Variants in AMPH observed in about 807,000 individuals in gnomAD.
The protein encoded by AMPH is amphiphysin.
In AMPH, 49 loss-of-function variants were observed where a neutral mutation model predicts 99.1. The observed-to-expected ratio is 0.49, with a 90% CI of 0.39 to 0.63. The LOEUF is 0.63. Among genes scored for constraint, AMPH ranks in the 20% least tolerant of loss-of-function variants. The pLI is 0.00. For synonymous variants in AMPH, 314 were observed against 317.3 expected (o/e 0.99, Z 0.11); for missense variants, 759 against 863.4 (o/e 0.88, Z 1.52).
chr7:38,560,180 C>T (rs1157488057), intron 1 of AMPH, among the ~76,000 whole-genome samples: 1 of 152,168 alleles, frequency 6.6e-6, no homozygotes, highest in Non-Finnish European at 1.5e-5. Context: ...ATTTAACAAA[C>T]TATAGGCAAG....
intron 11 of AMPH, among the ~76,000 whole-genome samples, chr7:38,455,748 A>T (rs1368737233): frequency 6.6e-6 from 1 of 152,192 alleles, no homozygotes; most frequent in Non-Finnish European, 1.5e-5. Context: ...ATTGTTCCAG[A>T]GAGAGAACTC....
At chr7:38,536,698 T>C (rs10237576) in intron 1 of AMPH, among the ~76,000 whole-genome samples, 83,038 of 151,850 alleles carry the variant, frequency 0.55, 23,680 homozygotes, top group African/African-American at 0.72. Flanking sequence ...ATGCTATTTT[T>C]CATTGTAAAT....
intron 1 of AMPH, among the ~76,000 whole-genome samples, chr7:38,563,525 C>T (rs2129049598): frequency 6.6e-6 from 1 of 152,266 alleles, no homozygotes; most frequent in Non-Finnish European, 1.5e-5. Context: ...GGTTTTGAGT[C>T]TAAGAATCTG....
chr7:38,609,209 G>C (rs1351354396), intron 1 of AMPH, among the ~76,000 whole-genome samples: 2 of 152,144 alleles, frequency 1.3e-5, no homozygotes, highest in Admixed American at 6.6e-5. Flanking sequence ...TAGTATCAAA[G>C]TCAGCACAAG....
intron 10 of AMPH, among the ~76,000 whole-genome samples, chr7:38,462,066 C>T (rs1584122665): frequency 6.6e-6 from 1 of 152,286 alleles, no homozygotes; most frequent in East Asian, 1.9e-4. Context: ...CCACACTTCC[C>T]AGTTAGCCCT....
intron 2 of AMPH, among the ~76,000 whole-genome samples, chr7:38,531,755 A>G (rs1263088068): frequency 2.6e-5 from 4 of 152,196 alleles, no homozygotes; most frequent in African/African-American, 9.6e-5. Context: ...AATACAATGC[A>G]CAAATCCAAA....
intron 17 of AMPH, among the ~76,000 whole-genome samples, chr7:38,399,319 T>G (rs566962562): frequency 1.3e-5 from 2 of 152,258 alleles, no homozygotes; most frequent in Non-Finnish European, 2.9e-5. Context: ...TTTCTGTTTC[T>G]GACACTAGTC....
chr7:38,477,749 C>G (rs895388370), intron 5 of AMPH, among the ~76,000 whole-genome samples: 7 of 151,970 alleles, frequency 4.6e-5, no homozygotes, highest in African/African-American at 1.7e-4. Context: ...GAGGAGGGGG[C>G]ACCAAACCCT....
chr7:38,406,724 CCCTT>C (rs1321610578), intron 17 of AMPH, among the ~76,000 whole-genome samples: 2,312 of 85,756 alleles, frequency 0.027, 49 homozygotes, highest in Non-Finnish European at 0.037. Context: ...CTCTCTCTCT[CCCTT>C]TCCCTCTCTC....
chr7:38,446,168 T>C (rs923650027), intron 11 of AMPH, among the ~76,000 whole-genome samples: 1 of 152,208 alleles, frequency 6.6e-6, no homozygotes, highest in South Asian at 2.1e-4. Context: ...CCATGCCAAC[T>C]GTTGGCAAAG....
At chr7:38,577,929 T>C (rs928700998) in intron 1 of AMPH, among the ~76,000 whole-genome samples, 1 of 152,172 alleles carries the variant, frequency 6.6e-6, no homozygotes, top group African/African-American at 2.4e-5. Context: ...CATCTCTACA[T>C]CCCTCTTAGC....
chr7:38,600,614 T>G (rs544032957), intron 1 of AMPH, among the ~76,000 whole-genome samples: 2 of 152,362 alleles, frequency 1.3e-5, no homozygotes, highest in South Asian at 4.1e-4. Context: ...CTTTGACCAT[T>G]TTTTACCTAG....
intron 2 of AMPH, among the ~76,000 whole-genome samples, chr7:38,509,910 A>C (rs1178406100): frequency 6.6e-6 from 1 of 152,104 alleles, no homozygotes; most frequent in Admixed American, 6.6e-5. Flanking sequence ...TTCTATCGTG[A>C]CCAAATCAGA....
intron 9 of AMPH, among the ~76,000 whole-genome samples, chr7:38,464,819 A>T (rs6953203): frequency 7.9e-5 from 12 of 152,286 alleles, no homozygotes; most frequent in African/African-American, 2.6e-4. Context: ...CGTAAAGTCT[A>T]CGAAGGATGG....
Position 38,391,958 on chromosome 7 carries a change from TTCTCCTTCC to T in AMPH, c.1659_1667del (p.Glu554_Glu556del). 6.2e-7 allele frequency: 1 copy of T among 1,611,550 alleles called. No homozygotes were observed. The highest frequency in any genetic ancestry group is 1.1e-5 in the South Asian group (1 of 91,048). Reference sequence around the variant, plus strand: ...GCTCTGCACCTATAGTTATTTCGTTTTCTCCTTCCTCTTCATGGTTGGAGGCAGGCTCTA... The same window carrying T: ...GCTCTGCACCTATAGTTATTTCGTTTTCTTCATGGTTGGAGGCAGGCTCTA... On this transcript the variant is annotated inframe_deletion, in exon 19 of 21. Coordinates refer to ENST00000356264, the MANE Select transcript of AMPH (RefSeq NM_001635.4).
At chr7:38,570,953 A>T (rs865895460) in intron 1 of AMPH, among the ~76,000 whole-genome samples, 33 of 86,210 alleles carry the variant, frequency 3.8e-4, no homozygotes, top group South Asian at 6.2e-4. Flanking sequence ...ATTTATATAT[A>T]TAGAATATAT....
At chr7:38,610,330 AG>A (rs1793614539) in intron 1 of AMPH, among the ~76,000 whole-genome samples, 4 of 41,884 alleles carry the variant, frequency 9.6e-5, no homozygotes, top group Non-Finnish European at 1.9e-4. Flanking sequence ...AGAAAAGAAA[AG>A]AAAAAAGAAA....
At chr7:38,598,946 T>C (rs1309026081) in intron 1 of AMPH, among the ~76,000 whole-genome samples, 1 of 152,202 alleles carries the variant, frequency 6.6e-6, no homozygotes, top group Admixed American at 6.5e-5. Flanking sequence ...CATAAAAGCA[T>C]TTAAAACAAC....
chr7:38,422,793 A>AT (rs1487728379), intron 15 of AMPH, among the ~76,000 whole-genome samples: 3 of 152,098 alleles, frequency 2.0e-5, no homozygotes, highest in Admixed American at 6.6e-5. Flanking sequence ...TAATTTTTGC[A>AT]TTTTTTTGTA....
Sources: gnomAD v4.1 joint callset for allele counts (sites outside exome capture counted in the v4.1 genomes callset) on GRCh38, gnomAD v4.1.1 for gene constraint, MANE v1.5 for transcripts, NCBI Gene and HGNC (gene_info 2026-07-23, HGNC 2026-07-21) for gene names.